SLC25A13: variants seen among roughly 807,000 people sequenced by gnomAD.
SLC25A13 encodes the protein electrogenic aspartate/glutamate antiporter SLC25A13, mitochondrial.
In SLC25A13, 70 loss-of-function variants were observed where a neutral mutation model predicts 85.5. The ratio of observed to expected loss-of-function variants is 0.82; its 90% confidence interval spans 0.68 to 1.00. The LOEUF (loss-of-function observed/expected upper bound fraction) is 1.00. Among genes scored for constraint, SLC25A13 ranks in the 50% least tolerant of loss-of-function variants. SLC25A13 has a pLI of 0.00. For synonymous variants in SLC25A13, 259 were observed against 288.7 expected (o/e 0.90, Z 1.04); for missense variants, 765 against 819.8 (o/e 0.93, Z 0.82).
chr7:96,184,878 G>A, intron 10 of SLC25A13, 49 bp downstream of exon 10: 1 of 1,397,326 alleles, frequency 7.2e-7, no homozygotes, highest in Non-Finnish European at 1.0e-6. Flanking sequence ...TCAGAGAAAA[G>A]AGAATAGGAA....
chr7:96,253,237 C>G (rs2116872639), intron 3 of SLC25A13, among the ~76,000 whole-genome samples: 1 of 152,132 alleles, frequency 6.6e-6, no homozygotes, highest in South Asian at 2.1e-4. Flanking sequence ...CATGGAAGGT[C>G]TGTTTGCCAC....
intron 3 of SLC25A13, among the ~76,000 whole-genome samples, chr7:96,259,602 C>T (rs1490569362): frequency 1.3e-5 from 2 of 152,076 alleles, no homozygotes; most frequent in Admixed American, 6.6e-5. Context: ...TTTTACATTG[C>T]TGGTGGGAGT....
chr7:96,176,510 G>T (rs1471675615), intron 11 of SLC25A13, among the ~76,000 whole-genome samples: 1 of 152,196 alleles, frequency 6.6e-6, no homozygotes, highest in Non-Finnish European at 1.5e-5. Context: ...TGCGAGAAAA[G>T]ATTTACAGGG....
chr7:96,200,769 A>C (rs1795225943), intron 5 of SLC25A13, among the ~76,000 whole-genome samples: 1 of 152,166 alleles, frequency 6.6e-6, no homozygotes, highest in Non-Finnish European at 1.5e-5. Context: ...ACAGCTGGGG[A>C]GATGCTGTAT....
chr7:96,198,476 G>T (rs1416062804), intron 5 of SLC25A13, among the ~76,000 whole-genome samples: 3 of 152,184 alleles, frequency 2.0e-5, no homozygotes, highest in African/African-American at 7.2e-5. Context: ...CAGACCAGGG[G>T]CTATGCCAAG....
intron 2 of SLC25A13, among the ~76,000 whole-genome samples, chr7:96,278,572 C>T (rs536899355): frequency 6.6e-6 from 1 of 152,194 alleles, no homozygotes; most frequent in African/African-American, 2.4e-5. Flanking sequence ...TCCTCATTTG[C>T]AAAATGAATA....
At chr7:96,200,544 C>T (rs1795216695) in intron 5 of SLC25A13, among the ~76,000 whole-genome samples, 1 of 151,972 alleles carries the variant, frequency 6.6e-6, no homozygotes, top group African/African-American at 2.4e-5. Context: ...TGTACCTCCC[C>T]CCACCCCCCA....
chr7:96,223,122 AAAC>A (rs945313060), intron 4 of SLC25A13, among the ~76,000 whole-genome samples: 2 of 152,184 alleles, frequency 1.3e-5, no homozygotes, highest in African/African-American at 4.8e-5. Flanking sequence ...GAAATATTAC[AAAC>A]AACCATAGCC....
At chr7:96,214,658 C>T (rs1302472744) in intron 4 of SLC25A13, among the ~76,000 whole-genome samples, 7 of 151,932 alleles carry the variant, frequency 4.6e-5, no homozygotes, top group African/African-American at 1.2e-4. Flanking sequence ...ACCCGGAAGG[C>T]GGAGCTTGCA....
chr7:96,144,622 C>T lies in SLC25A13; in HGVS notation c.1452+1934G>A, dbSNP rs959800383. On this transcript the variant is annotated intron_variant, in intron 14 of 17. Coordinates refer to ENST00000265631, the MANE Select transcript of SLC25A13 (RefSeq NM_014251.3). ...TCATTTCAGGAAAGCAATTTTAGCA[C>T]AAAAGTGGAAACAAGAAACTTCTGA... Among the ~76,000 whole-genome samples the T allele has an allele frequency of 1.2e-4, 19 of 152,244 alleles. No homozygotes were observed. In the East Asian group the frequency reaches 3.1e-3, roughly 25 times the overall value.
intron 5 of SLC25A13, among the ~76,000 whole-genome samples, chr7:96,197,299 T>C (rs1439744103): frequency 7.9e-5 from 12 of 152,234 alleles, no homozygotes; most frequent in Admixed American, 7.9e-4. Context: ...TAAAATTCCC[T>C]AAAGTTTTCC....
intron 3 of SLC25A13, among the ~76,000 whole-genome samples, chr7:96,252,486 C>T (rs1224234574): frequency 6.6e-6 from 1 of 152,158 alleles, no homozygotes; most frequent in South Asian, 2.1e-4. Context: ...CAAATGGACT[C>T]TCACAGAAGC....
chr7:96,137,504 A>G (rs764114573), intron 14 of SLC25A13, among the ~76,000 whole-genome samples: 3 of 152,194 alleles, frequency 2.0e-5, no homozygotes, highest in Non-Finnish European at 4.4e-5. Flanking sequence ...GCCATCAACA[A>G]TGCTCATCAC....
At chr7:96,145,902 G>C (rs1271622747) in intron 14 of SLC25A13, among the ~76,000 whole-genome samples, 1 of 152,040 alleles carries the variant, frequency 6.6e-6, no homozygotes, top group Admixed American at 6.6e-5. Flanking sequence ...ATCCCTAAAG[G>C]TTTACTTAGT....
At chr7:96,171,721 T>C (rs1240364400) in intron 11 of SLC25A13, among the ~76,000 whole-genome samples, 197 bp from the exon 12 acceptor site, 3 of 152,220 alleles carry the variant, frequency 2.0e-5, no homozygotes, top group Admixed American at 1.3e-4. Flanking sequence ...CCAAGTACAT[T>C]CCATCTCACA....
intron 6 of SLC25A13, among the ~76,000 whole-genome samples, chr7:96,192,548 G>C (rs1794896521): frequency 6.6e-6 from 1 of 152,122 alleles, no homozygotes; most frequent in Non-Finnish European, 1.5e-5. Context: ...GAGGAGGGAG[G>C]CTCCATGAAA....
intron 9 of SLC25A13, among the ~76,000 whole-genome samples, chr7:96,185,533 T>C (rs1412826825): frequency 1.3e-5 from 2 of 152,056 alleles, no homozygotes; most frequent in African/African-American, 4.8e-5. Flanking sequence ...GGGGCAGAGG[T>C]TGCAGTGAGC....
chr7:96,229,103 C>T (rs938101251), intron 4 of SLC25A13, among the ~76,000 whole-genome samples: 3 of 152,312 alleles, frequency 2.0e-5, no homozygotes, highest in African/African-American at 4.8e-5. Flanking sequence ...AGGCGCATGG[C>T]GTGGGACTGA....
intron 2 of SLC25A13, among the ~76,000 whole-genome samples, chr7:96,282,218 T>C (rs1798711054): frequency 1.3e-5 from 2 of 152,252 alleles, no homozygotes; most frequent in East Asian, 3.9e-4. Flanking sequence ...AATACCACCA[T>C]ACTCAGTGAA....
Sources: allele counts gnomAD v4.1 joint callset (sites outside exome capture counted in the v4.1 genomes callset), GRCh38; gene constraint gnomAD v4.1.1; transcripts MANE v1.5; gene names NCBI Gene and HGNC (gene_info 2026-07-23, HGNC 2026-07-21).